PCMT1: variants seen among roughly 807,000 people sequenced by gnomAD.
PCMT1 encodes the protein protein-L-isoaspartate (D-aspartate) O-methyltransferase.
PCMT1 carries 9 observed loss-of-function variants against 29.2 expected under a neutral mutation model. The observed-to-expected ratio is 0.31, with a 90% CI of 0.19 to 0.54. PCMT1 has a LOEUF of 0.54. PCMT1 is among the 20% of genes least tolerant of loss of function. The pLI is 0.95. For synonymous variants in PCMT1, 98 were observed against 97.5 expected, an observed-to-expected ratio of 1.00 and a Z score of -0.03; for missense variants, 184 against 282.2, an observed-to-expected ratio of 0.65 and a Z score of 2.49.
intron 3 of PCMT1, among the ~76,000 whole-genome samples, chr6:149,782,387 A>C (rs1787850006): frequency 6.6e-6 from 1 of 152,220 alleles, no homozygotes; most frequent in Non-Finnish European, 1.5e-5. Flanking sequence ...GCTTGGAATT[A>C]ACTATAATCC....
chr6:149,797,266 CAT>C (rs1269720549), intron 6 of PCMT1: 5 of 151,938 alleles, frequency 3.3e-5, no homozygotes, highest in East Asian at 1.9e-4. Flanking sequence ...GATATGATAA[CAT>C]ATAATTAACA....
intron 3 of PCMT1, 75 bp downstream of exon 3, chr6:149,773,244 T>G (rs1447765110): frequency 8.4e-7 from 1 of 1,193,268 alleles, no homozygotes; most frequent in African/African-American, 1.5e-5. Context: ...GTAAAAAAGA[T>G]TTAAAGAAAG....
intron 7 of PCMT1, among the ~76,000 whole-genome samples, chr6:149,803,311 C>T (rs1456592019): frequency 6.6e-6 from 1 of 151,986 alleles, no homozygotes; most frequent in Non-Finnish European, 1.5e-5. Context: ...AATAGGCCAG[C>T]CACTGTTTAA....
intron 7 of PCMT1, among the ~76,000 whole-genome samples, chr6:149,806,120 T>C (rs531074067): frequency 1.0e-3 from 154 of 152,194 alleles, no homozygotes; most frequent in African/African-American, 2.9e-3. Flanking sequence ...ATTCGTGAAT[T>C]CAACCAATAT....
chr6:149,788,209 G>T (rs1227338932), intron 3 of PCMT1, among the ~76,000 whole-genome samples: 1 of 152,086 alleles, frequency 6.6e-6, no homozygotes, highest in Non-Finnish European at 1.5e-5. Flanking sequence ...CACTGTGCCC[G>T]GCCAATGCTC....
At chr6:149,796,652 C>T (rs1788623066) in intron 6 of PCMT1, 152 bp downstream of exon 6, 2 of 537,286 alleles carry the variant, frequency 3.7e-6, no homozygotes, top group Non-Finnish European at 6.7e-6. Flanking sequence ...TTTCTTTTTT[C>T]ATATGCAAAC....
intron 3 of PCMT1, 51 bp from the exon 4 acceptor site, chr6:149,789,903 C>T: frequency 8.1e-7 from 1 of 1,237,636 alleles, no homozygotes; most frequent in Non-Finnish European, 1.1e-6. Flanking sequence ...TATTTATATA[C>T]CATGATGTGT....
At chr6:149,764,017 GA>G (rs777236598) in intron 1 of PCMT1, among the ~76,000 whole-genome samples, 14 of 152,166 alleles carry the variant, frequency 9.2e-5, no homozygotes, top group Non-Finnish European at 1.8e-4. Flanking sequence ...TCTTTTAGAA[GA>G]GAATATGGTA....
At chr6:149,804,335 ATATT>A (rs1195726520) in intron 7 of PCMT1, among the ~76,000 whole-genome samples, 1 of 151,980 alleles carries the variant, frequency 6.6e-6, no homozygotes, top group African/African-American at 2.4e-5. Flanking sequence ...TATACAATAA[ATATT>A]AGTGTTGAAC....
In PCMT1 at chr6:149,749,749, G is replaced by C; in HGVS notation, c.-153G>C. 6.5e-7 allele frequency: 1 copy of C among 1,545,498 alleles called. No homozygotes were observed. Among genetic ancestry groups the C allele is most frequent in the Non-Finnish European group, 8.7e-7 (1 of 1,144,440 alleles). The stretch of plus-strand genomic sequence containing the variant: ...GGGGATGCCGGGAGCGCGCAGTGGC[G>C]GCAGCGGCGGCGACGGCAGTAACAG... On this transcript the variant is annotated 5_prime_UTR_variant, in exon 1 of 8. Transcript: ENST00000464889.
At position 149,761,026 on chromosome 6, in the gene PCMT1, A is replaced by AGTGT. The variant is rs57501586; in HGVS notation, c.56-10111_56-10108dup. The stretch of plus-strand genomic sequence containing the variant: ...GGATTATAGAGGATGCAGGTAAAAA[A>AGTGT]GTGTGTGTGTGTGTGTGTGTGTGTG... On this transcript the variant is annotated intron_variant, in intron 1 of 7. Coordinates refer to ENST00000464889, the MANE Select transcript of PCMT1 (RefSeq NM_001360452.2). 4.4e-3 allele frequency among the ~76,000 whole-genome samples: 660 copies of AGTGT among 149,744 alleles called. 2 individuals are homozygous for AGTGT. Among genetic ancestry groups the AGTGT allele is most frequent in the Non-Finnish European group, 5.2e-3 (350 of 67,196 alleles).
chr6:149,762,118 T>C (rs1231501767), intron 1 of PCMT1, among the ~76,000 whole-genome samples: 1 of 152,130 alleles, frequency 6.6e-6, no homozygotes, highest in African/African-American at 2.4e-5. Context: ...GGAATTTGAT[T>C]TATCCTCTGT....
intron 3 of PCMT1, among the ~76,000 whole-genome samples, 181 bp downstream of exon 3, chr6:149,773,350 A>AGTTTTGTTTT (rs71709110): frequency 2.0e-5 from 3 of 150,752 alleles, no homozygotes; most frequent in Admixed American, 6.6e-5. Flanking sequence ...CTGTAGAAGG[A>AGTTTTGTTTT]GTTTTGTTTT....
intron 1 of PCMT1, among the ~76,000 whole-genome samples, chr6:149,766,822 C>T (rs1787105686): frequency 6.6e-6 from 1 of 152,184 alleles, no homozygotes; most frequent in South Asian, 2.1e-4. Flanking sequence ...ACAGACGGGC[C>T]TTCTACCACT....
At chr6:149,780,202 G>C (rs1161155941) in intron 3 of PCMT1, among the ~76,000 whole-genome samples, 1 of 152,156 alleles carries the variant, frequency 6.6e-6, no homozygotes, top group Admixed American at 6.6e-5. Flanking sequence ...TTAGCTGGGC[G>C]TGATAGTACG....
chr6:149,752,900 T>C (rs1277232599), intron 1 of PCMT1, among the ~76,000 whole-genome samples: 1 of 152,214 alleles, frequency 6.6e-6, no homozygotes, highest in Non-Finnish European at 1.5e-5. Flanking sequence ...TGCATTACTG[T>C]TCTTAGCTGA....
At chr6:149,797,523 A>AC (rs1480920328) in intron 6 of PCMT1, 4 of 151,570 alleles carry the variant, frequency 2.6e-5, no homozygotes, top group African/African-American at 9.7e-5. Context: ...TGTTTAAAAA[A>AC]AAAATTAGCC....
chr6:149,789,886 G>T, intron 3 of PCMT1, 68 bp from the exon 4 acceptor site: 2 of 1,035,384 alleles, frequency 1.9e-6, no homozygotes, highest in South Asian at 2.0e-5. Flanking sequence ...TAGAAAGTTG[G>T]CAACTTTATT....
At chr6:149,779,779 T>C (rs146606094) in intron 3 of PCMT1, among the ~76,000 whole-genome samples, 1 of 151,064 alleles carries the variant, frequency 6.6e-6, no homozygotes, top group African/African-American at 2.4e-5. Context: ...ACCACTTCAC[T>C]CCAGCCTGGG....
Sources: allele counts gnomAD v4.1 joint callset (sites outside exome capture counted in the v4.1 genomes callset), GRCh38; gene constraint gnomAD v4.1.1; transcripts MANE v1.5; gene names NCBI Gene and HGNC (gene_info 2026-07-23, HGNC 2026-07-21).